OTOA: variants seen among roughly 807,000 people sequenced by gnomAD.
OTOA encodes cancer/testis antigen 108.
A neutral mutation model predicts 110.8 loss-of-function variants in OTOA; 70 were observed. That is an observed-to-expected ratio of 0.63 (90% confidence interval 0.52 to 0.77). The LOEUF (loss-of-function observed/expected upper bound fraction) is 0.77, where lower values mean the gene tolerates loss of function less well. OTOA is among the 30% of genes least tolerant of loss of function. The pLI is 0.00. For synonymous variants in OTOA, 373 were observed against 431.5 expected (o/e 0.86, Z 1.68); for missense variants, 917 against 1,075.8 (o/e 0.85, Z 2.06).
At chr16:21,693,548 C>T (rs576160052) in intron 9 of OTOA, among the ~76,000 whole-genome samples, 1 of 152,122 alleles carries the variant, frequency 6.6e-6, no homozygotes, top group South Asian at 2.1e-4. Context: ...AGAGAGAGAA[C>T]TTAGAAATTT....
intron 13 of OTOA, among the ~76,000 whole-genome samples, chr16:21,712,656 C>T (rs142072781): frequency 0.016 from 2,394 of 149,470 alleles, 30 homozygotes; most frequent in Admixed American, 0.03. Context: ...CTGGCTAACA[C>T]GGTGAAACCA....
intron 14 of OTOA, 53 bp downstream of exon 14, chr16:21,715,205 G>T: frequency 6.2e-7 from 1 of 1,612,324 alleles, no homozygotes; most frequent in South Asian, 1.1e-5. Flanking sequence ...GTATGTTTTT[G>T]GGGTTGGTGA....
intron 19 of OTOA, among the ~76,000 whole-genome samples, 158 bp downstream of exon 19, chr16:21,726,816 A>G (rs1249761378): frequency 6.6e-6 from 1 of 151,998 alleles, no homozygotes; most frequent in East Asian, 1.9e-4. Context: ...GGTTGGAACA[A>G]TCTTTTCCAT....
chr16:21,707,647 T>G (rs1898222342), intron 12 of OTOA, among the ~76,000 whole-genome samples: 1 of 114,362 alleles, frequency 8.7e-6, no homozygotes, highest in Non-Finnish European at 1.9e-5. Flanking sequence ...CTTTCTTTCT[T>G]TCTTTCTTTC....
At chr16:21,714,884 G>C in intron 13 of OTOA, 101 bp from the exon 14 acceptor site, 1 of 1,477,030 alleles carries the variant, frequency 6.8e-7, no homozygotes, top group South Asian at 1.1e-5. Context: ...TGCCCCTAAG[G>C]TGTCACCCAT....
intron 17 of OTOA, among the ~76,000 whole-genome samples, chr16:21,722,149 C>T (rs904951932): frequency 1.3e-5 from 2 of 148,404 alleles, no homozygotes; most frequent in African/African-American, 5.0e-5. Flanking sequence ...GTAATCCTAG[C>T]TACTCGGGAG....
At chr16:21,723,307 C>T (rs559272810) in intron 18 of OTOA, among the ~76,000 whole-genome samples, 2 of 152,272 alleles carry the variant, frequency 1.3e-5, no homozygotes, top group East Asian at 1.9e-4. Context: ...GAGCAGTAGG[C>T]GTTTCTCCTG....
intron 17 of OTOA, among the ~76,000 whole-genome samples, chr16:21,720,152 T>C (rs1208114280): frequency 6.6e-6 from 1 of 151,992 alleles, no homozygotes; most frequent in Non-Finnish European, 1.5e-5. Flanking sequence ...GATAGGGTCT[T>C]GATATGTTGC....
At chr16:21,691,206 A>G (rs538875140) in intron 8 of OTOA, among the ~76,000 whole-genome samples, 1 of 152,278 alleles carries the variant, frequency 6.6e-6, no homozygotes, top group Admixed American at 6.5e-5. Flanking sequence ...TTCTTAATCC[A>G]GTCCATCATT....
At chr16:21,723,055 C>A in intron 18 of OTOA, 77 bp downstream of exon 18, 2 of 1,481,666 alleles carry the variant, frequency 1.3e-6, no homozygotes, top group South Asian at 1.1e-5. Flanking sequence ...ATGATTCTCT[C>A]CCCACTGGGT....
intron 11 of OTOA, 71 bp from the exon 12 acceptor site, chr16:21,705,098 C>G: frequency 6.2e-7 from 1 of 1,609,446 alleles, no homozygotes; most frequent in Non-Finnish European, 8.5e-7. Flanking sequence ...CATTTTATTA[C>G]ACAAAATTGA....
chr16:21,667,358 G>A (rs1317550107), intron 1 of OTOA, among the ~76,000 whole-genome samples: 1 of 152,210 alleles, frequency 6.6e-6, no homozygotes, highest in Non-Finnish European at 1.5e-5. Context: ...CTGTATTAAA[G>A]AATGCTGGGA....
At chr16:21,758,149 C>T (rs1219396424) in intron 28 of OTOA, among the ~76,000 whole-genome samples, 5 of 151,858 alleles carry the variant, frequency 3.3e-5, no homozygotes, top group Non-Finnish European at 5.9e-5. Context: ...GGCCTTCTTT[C>T]CTTTTTCTCC....
At chr16:21,671,082 T>C (rs1357104288) in intron 1 of OTOA, among the ~76,000 whole-genome samples, 3 of 152,116 alleles carry the variant, frequency 2.0e-5, no homozygotes, top group African/African-American at 7.2e-5. Flanking sequence ...TTTATTGAGA[T>C]GGTGTTTTTC....
chr16:21,722,746 T>C (rs1246073009), intron 17 of OTOA, among the ~76,000 whole-genome samples, 159 bp from the exon 18 acceptor site: 1 of 152,198 alleles, frequency 6.6e-6, no homozygotes, highest in Non-Finnish European at 1.5e-5. Flanking sequence ...AGCGTTCTCA[T>C]CCATAAACTG....
At chr16:21,729,757 C>A (rs1899048682) in intron 20 of OTOA, 1 of 152,164 alleles carries the variant, frequency 6.6e-6, no homozygotes, top group African/African-American at 2.4e-5. Flanking sequence ...AGTAGATAGC[C>A]TTTTCAGATA....
At chr16:21,709,463 C>T (rs147585565) in intron 12 of OTOA, among the ~76,000 whole-genome samples, 23 of 151,920 alleles carry the variant, frequency 1.5e-4, no homozygotes, top group African/African-American at 5.6e-4. Context: ...TATTTTTACA[C>T]AGATTATAAA....
At chr16:21,667,797 A>C (rs902499083) in intron 1 of OTOA, among the ~76,000 whole-genome samples, 2 of 152,102 alleles carry the variant, frequency 1.3e-5, no homozygotes, top group African/African-American at 4.8e-5. Flanking sequence ...GTGCCAATAA[A>C]ACTTTATTTA....
chr16:21,714,377 T>TTC (rs1217948374), intron 13 of OTOA, among the ~76,000 whole-genome samples: 10 of 98,614 alleles, frequency 1.0e-4, no homozygotes, highest in African/African-American at 2.9e-4. Context: ...TTCTCTCTCT[T>TTC]TCTCTCTTTC....
Sources: gnomAD v4.1 joint callset for allele counts (sites outside exome capture counted in the v4.1 genomes callset) on GRCh38, gnomAD v4.1.1 for gene constraint, MANE v1.5 for transcripts, NCBI Gene and HGNC (gene_info 2026-07-23, HGNC 2026-07-21) for gene names.